The following GLRA1 variants were observed in gnomAD, a reference collection of about 807,000 sequenced individuals.
GLRA1 encodes the protein glycine receptor subunit alpha-1.
Under a neutral mutation model 48.3 loss-of-function variants are expected in GLRA1, and 37 were observed. The ratio of observed to expected loss-of-function variants is 0.77; its 90% CI spans 0.59 to 1.01. The LOEUF (loss-of-function observed/expected upper bound fraction) is 1.01. Among genes scored for constraint, GLRA1 ranks in the 50% least tolerant of loss-of-function variants. The pLI is 0.00. For synonymous variants in GLRA1, 196 were observed against 210.7 expected (o/e 0.93, Z 0.60); for missense variants, 427 against 571.0 (o/e 0.75, Z 2.57).
At chr5:151,904,204 T>C (rs902955805) in intron 1 of GLRA1, among the ~76,000 whole-genome samples, 17 of 152,204 alleles carry the variant, frequency 1.1e-4, no homozygotes, top group Admixed American at 5.9e-4. Context: ...TCTAGGGTCG[T>C]TGCTGAGGTT....
At chr5:151,866,102 C>T (rs1260956244) in intron 3 of GLRA1, among the ~76,000 whole-genome samples, 1 of 152,172 alleles carries the variant, frequency 6.6e-6, no homozygotes, top group Non-Finnish European at 1.5e-5. Flanking sequence ...GAGCTGGCTT[C>T]TAGGTCTCAA....
chr5:151,855,234 T>G, intron 5 of GLRA1, 57 bp from the exon 6 acceptor site: 1 of 1,563,218 alleles, frequency 6.4e-7, no homozygotes, highest in South Asian at 1.1e-5. Context: ...GTTTGAAGCA[T>G]GTCAGGATTG....
At chr5:151,872,592 A>AT (rs1280141132) in intron 3 of GLRA1, among the ~76,000 whole-genome samples, 1 of 149,880 alleles carries the variant, frequency 6.7e-6, no homozygotes, top group Non-Finnish European at 1.5e-5. Context: ...AAGAATGCTC[A>AT]TTGTAGCCTT....
chr5:151,857,458 T>A (rs1377418198), intron 4 of GLRA1, among the ~76,000 whole-genome samples: 1 of 152,098 alleles, frequency 6.6e-6, no homozygotes, highest in African/African-American at 2.4e-5. Context: ...AGCCCTCAGG[T>A]AGGGACAGAG....
At chr5:151,875,347 A>AT (rs1753596807) in intron 3 of GLRA1, among the ~76,000 whole-genome samples, 1 of 151,900 alleles carries the variant, frequency 6.6e-6, no homozygotes, top group South Asian at 2.1e-4. Context: ...TGATATTTTA[A>AT]TTTTTTTGTA....
At chr5:151,867,041 G>T (rs539558146) in intron 3 of GLRA1, among the ~76,000 whole-genome samples, 1 of 152,286 alleles carries the variant, frequency 6.6e-6, no homozygotes, top group Admixed American at 6.5e-5. Context: ...AGCCCATGAG[G>T]TTGAGGCTGT....
intron 1 of GLRA1, among the ~76,000 whole-genome samples, chr5:151,893,200 A>G (rs1038767797): frequency 1.3e-5 from 2 of 152,074 alleles, no homozygotes; most frequent in Non-Finnish European, 2.9e-5. Context: ...CCCCACACCC[A>G]TTCAACAAAG....
At chr5:151,922,555 C>T (rs1057077152) in intron 1 of GLRA1, among the ~76,000 whole-genome samples, 1 of 152,234 alleles carries the variant, frequency 6.6e-6, no homozygotes, top group Non-Finnish European at 1.5e-5. Flanking sequence ...TATAACTCTT[C>T]TTTCCTTATA....
At chr5:151,836,784 A>C (rs1207973648) in intron 7 of GLRA1, among the ~76,000 whole-genome samples, 2 of 152,230 alleles carry the variant, frequency 1.3e-5, no homozygotes, top group Non-Finnish European at 2.9e-5. Flanking sequence ...TACACCTTAT[A>C]CAAAAATTAA....
chr5:151,872,215 C>A (rs1022654037), intron 3 of GLRA1, among the ~76,000 whole-genome samples: 1 of 148,670 alleles, frequency 6.7e-6, no homozygotes, highest in Admixed American at 6.6e-5. Flanking sequence ...CCAAATTCTT[C>A]GTATAAAATT....
intron 8 of GLRA1, 25 bp from the exon 9 acceptor site, chr5:151,822,988 C>G: frequency 6.4e-7 from 1 of 1,573,006 alleles, no homozygotes; most frequent in Non-Finnish European, 8.6e-7. Flanking sequence ...ACATGGGGCT[C>G]TACTTAAAAT....
chr5:151,858,193 G>A (rs531554298), intron 4 of GLRA1, among the ~76,000 whole-genome samples: 1 of 152,312 alleles, frequency 6.6e-6, no homozygotes, highest in East Asian at 1.9e-4. Context: ...AGCTCTGGAT[G>A]TGGGCCCCTT....
At chr5:151,829,690 AATC>A (rs1015012450) in intron 7 of GLRA1, among the ~76,000 whole-genome samples, 6 of 152,218 alleles carry the variant, frequency 3.9e-5, no homozygotes, top group Non-Finnish European at 5.9e-5. Context: ...ACATATGTGC[AATC>A]ATCATCATCA....
intron 7 of GLRA1, 25 bp from the exon 8 acceptor site, chr5:151,829,092 A>G (rs201501636): frequency 4.3e-5 from 70 of 1,611,674 alleles, no homozygotes; most frequent in Non-Finnish European, 5.7e-5. Context: ...GAGGAGAAAC[A>G]GGGAGGTGAA....
chr5:151,913,544 G>C (rs1429749323), intron 1 of GLRA1, among the ~76,000 whole-genome samples: 1 of 152,168 alleles, frequency 6.6e-6, no homozygotes, highest in East Asian at 1.9e-4. Context: ...TTAAAACCTG[G>C]CATTTTCAAG....
chr5:151,856,426 C>CCCTGATGTGCAG, intron 4 of GLRA1, 43 bp from the exon 5 acceptor site: 1 of 1,287,734 alleles, frequency 7.8e-7, no homozygotes, highest in Non-Finnish European at 1.1e-6. Context: ...ATCTGCACAT[C>CCCTGATGTGCAG]AGGGAGGCTG....
chr5:151,872,570 A>T (rs886826377), intron 3 of GLRA1, among the ~76,000 whole-genome samples: 4 of 149,784 alleles, frequency 2.7e-5, no homozygotes, highest in Non-Finnish European at 4.4e-5. Flanking sequence ...ATGCACACAG[A>T]GGGTTATGCA....
At chr5:151,850,048 A>G in intron 7 of GLRA1, 3 of 1,603,814 alleles carry the variant, frequency 1.9e-6, no homozygotes, top group Non-Finnish European at 2.6e-6. Flanking sequence ...GGACATGGTG[A>G]GCAACCAGCA....
intron 2 of GLRA1, among the ~76,000 whole-genome samples, chr5:151,888,314 T>C (rs775659656): frequency 3.3e-5 from 5 of 152,230 alleles, no homozygotes; most frequent in Non-Finnish European, 7.3e-5. Flanking sequence ...AACTAGGTTT[T>C]TCCTTCAAGG....
Sources: allele counts gnomAD v4.1 joint callset (sites outside exome capture counted in the v4.1 genomes callset), GRCh38; gene constraint gnomAD v4.1.1; transcripts MANE v1.5; gene names NCBI Gene and HGNC (gene_info 2026-07-23, HGNC 2026-07-21).